The following ADCY5 variants were observed in gnomAD, a reference collection of about 807,000 sequenced individuals.
The protein encoded by ADCY5 is adenylate cyclase 5.
In ADCY5, 30 loss-of-function variants were observed where a neutral mutation model predicts 119.7. The observed-to-expected ratio is 0.25, with a 90% CI of 0.19 to 0.34. ADCY5 has a LOEUF of 0.34. ADCY5 is among the 10% of genes least tolerant of loss of function. The pLI is 1.00. For missense variants in ADCY5, 1,324 were observed against 1,775.2 expected (o/e 0.75, Z 4.57); for synonymous variants, 753 against 762.2 (o/e 0.99, Z 0.20).
intron 1 of ADCY5, among the ~76,000 whole-genome samples, chr3:123,354,376 T>G (rs1008767689): frequency 1.3e-5 from 2 of 152,144 alleles, no homozygotes; most frequent in Admixed American, 6.5e-5. Context: ...AAGACCTGCG[T>G]GTGGCTGGGA....
At chr3:123,411,107 C>A (rs1191294501) in intron 1 of ADCY5, among the ~76,000 whole-genome samples, 3 of 152,170 alleles carry the variant, frequency 2.0e-5, no homozygotes, top group African/African-American at 7.2e-5. Flanking sequence ...CCGTTCCCTC[C>A]ATGAGCCTCC....
At position 123,400,699 on chromosome 3, in the gene ADCY5, C is replaced by A. The variant is rs1478638948; in HGVS notation, c.1134+46713G>T. On this transcript the variant is annotated intron_variant, in intron 1 of 20. Transcript: ENST00000462833. The stretch of plus-strand genomic sequence containing the variant: ...CGGTGGCTCACGCCTGTAATCCCAG[C>A]ACTTTGGGAGGCCAAGGCAGGCGGA... Among the ~76,000 whole-genome samples, 3 of 152,296 alleles carry A rather than the reference C, an allele frequency of 2.0e-5. No homozygotes were observed. The East Asian group carries it at 5.8e-4, about 29-fold the overall frequency.
chr3:123,435,851 TTTATTATTA>T (rs34160272), intron 1 of ADCY5, among the ~76,000 whole-genome samples: 5,063 of 125,828 alleles, frequency 0.04, 140 homozygotes, highest in African/African-American at 0.055. Context: ...CAAGAGCCCT[TTTATTATTA>T]TTATTATTAT....
At chr3:123,443,568 G>A (rs1945759903) in intron 1 of ADCY5, among the ~76,000 whole-genome samples, 2 of 152,026 alleles carry the variant, frequency 1.3e-5, no homozygotes, top group African/African-American at 2.4e-5. Flanking sequence ...ACAGACACAC[G>A]TGCTCACAGT....
chr3:123,291,289 G>A lies in ADCY5; in HGVS notation c.3151C>T (p.His1051Tyr). 6.2e-7 allele frequency: 1 copy of A among 1,613,982 alleles called. No individual in the cohort carries two copies. The highest frequency in any genetic ancestry group is 8.5e-7 in the Non-Finnish European group (1 of 1,180,056). ...TTGCGCCGCTCGCGGGCCAGGAAGT[G>A]AGCGGCCACGTCCTTGGGCAGGATG... ...HNILPKDVAAHFLARERRNDE... is the reference protein window; with the variant it reads ...HNILPKDVAAYFLARERRNDE... The change falls in exon 18 of 21, where the codon CAC becomes TAC. Residue 1051 changes from histidine (H) to tyrosine (Y), a missense_variant. This residue lies in a region of ADCY5 where 178 missense variants were observed against 329.6 expected (regional missense o/e 0.54). Coordinates refer to ENST00000462833, the MANE Select transcript of ADCY5 (RefSeq NM_183357.3).
At chr3:123,307,345 C>T (rs1273690480) in intron 12 of ADCY5, among the ~76,000 whole-genome samples, 1 of 152,058 alleles carries the variant, frequency 6.6e-6, no homozygotes, top group African/African-American at 2.4e-5. Context: ...GCTTCCGTCT[C>T]GTTATTGGGA....
At chr3:123,330,770 G>T in intron 5 of ADCY5, 119 bp downstream of exon 5, 1 of 1,359,410 alleles carries the variant, frequency 7.4e-7, no homozygotes, top group Non-Finnish European at 9.9e-7. Context: ...GCACCTTTTG[G>T]CAGACAGTTT....
intron 1 of ADCY5, among the ~76,000 whole-genome samples, chr3:123,433,699 C>T (rs570019846): frequency 1.1e-4 from 16 of 152,186 alleles, no homozygotes; most frequent in African/African-American, 3.1e-4. Flanking sequence ...AGAGAGACCC[C>T]GGGTCAGACT....
At chr3:123,343,081 C>T (rs938766295) in intron 3 of ADCY5, among the ~76,000 whole-genome samples, 2 of 152,234 alleles carry the variant, frequency 1.3e-5, no homozygotes, top group East Asian at 1.9e-4. Flanking sequence ...TAGAGCAGTA[C>T]GTTGTCTAAC....
Position 123,331,491 on chromosome 3 carries a change from A to C in ADCY5, c.1519-475T>G, listed in dbSNP as rs536349437. 2.6e-5 allele frequency among the ~76,000 whole-genome samples: 4 copies of C among 152,312 alleles called. No homozygotes were observed. The South Asian group carries it at 8.3e-4, about 32-fold the overall frequency. On this transcript the variant is annotated intron_variant, in intron 4 of 20. Coordinates refer to ENST00000462833, the MANE Select transcript of ADCY5 (RefSeq NM_183357.3). ...TTACAAAAAGACTGAAGCAGGCAGA[A>C]ATGAGCTTTAACCAAAAGCTCACTG... is the stretch of plus-strand genomic sequence containing the variant.
At chr3:123,398,137 A>C (rs1486071445) in intron 1 of ADCY5, among the ~76,000 whole-genome samples, 2 of 152,168 alleles carry the variant, frequency 1.3e-5, no homozygotes, top group Non-Finnish European at 2.9e-5. Context: ...CAGCATTGGC[A>C]ACCTGTGCCC....
intron 3 of ADCY5, among the ~76,000 whole-genome samples, chr3:123,341,508 T>C (rs781033774): frequency 1.3e-5 from 2 of 151,818 alleles, no homozygotes; most frequent in Non-Finnish European, 2.9e-5. Context: ...GCTTAATGGG[T>C]ATACCGTTTC....
At position 123,447,949 on chromosome 3, in the gene ADCY5, G is replaced by T. The variant is rs1371054544; in HGVS notation, c.597C>A (p.Pro199=). ...SSADSGSGAG[P]GAVLSLGACC... ...AGGCGCCCAGGGACAGCACCGCGCC[G>T]GGCCCCGCGCCCGAGCCCGAGTCCG... is the stretch of plus-strand genomic sequence containing the variant. The change falls in exon 1 of 21, where the codon CCC becomes CCA. Residue 199 remains proline (P), a synonymous_variant. Coordinates refer to ENST00000462833, the MANE Select transcript of ADCY5 (RefSeq NM_183357.3). The T allele has an allele frequency of 6.5e-7, 1 of 1,537,360 alleles. No individual in the cohort carries two copies. Among genetic ancestry groups the T allele is most frequent in the Non-Finnish European group, 8.8e-7 (1 of 1,141,560 alleles).
rs76797233 is a variant in ADCY5, at chr3:123,320,631, A to C, written c.2111+118T>G. 4,780 of 1,399,490 alleles carry C rather than the reference A, an allele frequency of 3.4e-3. 148 individuals are homozygous for C. In the African/African-American group the frequency reaches 0.061, roughly 18 times the overall value. 86.7% of individuals were successfully genotyped at this position (1,399,490 alleles called of 1,614,324 possible). A position where few individuals can be genotyped will look rare whatever the true frequency, so the allele number is the denominator to read the frequency against. On this transcript the variant is annotated intron_variant, in intron 9 of 20. Coordinates refer to ENST00000462833, the MANE Select transcript of ADCY5 (RefSeq NM_183357.3). ...GCTAGGGTGGGCTCCATTCACTCTC[A>C]GCTAAGACTGCAAGAGGAGTCATTT...
chr3:123,305,119 C>T (rs147137668), intron 12 of ADCY5, among the ~76,000 whole-genome samples: 1 of 152,166 alleles, frequency 6.6e-6, no homozygotes, highest in African/African-American at 2.4e-5. Context: ...CTTGGCTTTT[C>T]CTGTGTGTTC....
intron 8 of ADCY5, among the ~76,000 whole-genome samples, chr3:123,322,048 C>T (rs1941246142): frequency 6.6e-6 from 1 of 152,210 alleles, no homozygotes; most frequent in South Asian, 2.1e-4. Flanking sequence ...CGTCACCATC[C>T]CAGCCCTGGG....
At chr3:123,417,732 T>G (rs1945217648) in intron 1 of ADCY5, among the ~76,000 whole-genome samples, 1 of 152,226 alleles carries the variant, frequency 6.6e-6, no homozygotes, top group Non-Finnish European at 1.5e-5. Flanking sequence ...CATGTGACCC[T>G]GGGTGGTCAC....
rs1938523316 is a variant in ADCY5 at position 123,283,626 on chromosome 3, A to AAAC, written c.*979_*981dup. ...AAAACTGCCAAATCTGAAATGAGGGAAACACATCCTGTGTGAGACCAGTTC... is the reference window on the plus strand; with the variant it reads ...AAAACTGCCAAATCTGAAATGAGGGAAACAACACATCCTGTGTGAGACCAGTTC... On this transcript the variant is annotated 3_prime_UTR_variant, in exon 21 of 21. Transcript: ENST00000462833. 1.3e-5 allele frequency: 2 copies of AAAC among 149,826 alleles called. No individual in the cohort carries two copies. Among genetic ancestry groups the AAAC allele is most frequent in the African/African-American group, 5.1e-5 (2 of 39,366 alleles). The allele number at this position is 149,826 out of a possible 1,614,324, so 9.3% of individuals were successfully genotyped here. A position where few individuals can be genotyped will look rare whatever the true frequency, so the allele number is the denominator to read the frequency against.
intron 11 of ADCY5, among the ~76,000 whole-genome samples, chr3:123,317,623 T>C (rs968624875): frequency 2.0e-5 from 3 of 151,948 alleles, no homozygotes; most frequent in African/African-American, 7.3e-5. Flanking sequence ...TATTCCCAGC[T>C]ACTCAGGAGG....
Sources: allele counts gnomAD v4.1 joint callset (sites outside exome capture counted in the v4.1 genomes callset), GRCh38; gene constraint gnomAD v4.1.1; regional missense constraint gnomAD v4.1.1; transcripts MANE v1.5; gene names NCBI Gene and HGNC (gene_info 2026-07-23, HGNC 2026-07-21).